The following ADARB2 variants were observed in gnomAD, a reference collection of about 807,000 sequenced individuals.
The protein encoded by ADARB2 is inactive double-stranded RNA-specific editase B2.
In ADARB2, 25 loss-of-function variants were observed where a neutral mutation model predicts 62.2. The ratio of observed to expected loss-of-function variants is 0.40; its 90% CI spans 0.29 to 0.56. ADARB2 has a LOEUF of 0.56. ADARB2 is among the 20% of genes least tolerant of loss of function. The pLI is 0.43. For missense variants in ADARB2, 1,071 were observed against 1,077.4 expected (o/e 0.99, Z 0.08); for synonymous variants, 572 against 500.8 (o/e 1.14, Z -1.90).
intron 1 of ADARB2, among the ~76,000 whole-genome samples, chr10:1,520,557 CAATTAATT>C (rs1192815274): frequency 6.6e-6 from 1 of 152,128 alleles, no homozygotes; most frequent in East Asian, 1.9e-4. Flanking sequence ...TCATTTAGGC[CAATTAATT>C]AATAGATGTA....
intron 1 of ADARB2, among the ~76,000 whole-genome samples, chr10:1,634,695 C>A (rs1219846448): frequency 6.6e-6 from 1 of 152,194 alleles, no homozygotes; most frequent in Non-Finnish European, 1.5e-5. Flanking sequence ...TCCATATAAT[C>A]TTTCCAGTTG....
At chr10:1,515,309 G>A (rs890788086) in intron 1 of ADARB2, among the ~76,000 whole-genome samples, 5 of 152,200 alleles carry the variant, frequency 3.3e-5, no homozygotes, top group African/African-American at 7.2e-5. Context: ...CCTGGTGCCC[G>A]TTGGCTGGTG....
intron 1 of ADARB2, among the ~76,000 whole-genome samples, chr10:1,631,065 G>T (rs1048854159): frequency 6.6e-6 from 1 of 152,162 alleles, no homozygotes. Flanking sequence ...GCCACCACCC[G>T]CGGTGAAGTG....
intron 2 of ADARB2, among the ~76,000 whole-genome samples, chr10:1,373,727 C>T (rs1211790135): frequency 1.3e-5 from 2 of 152,220 alleles, no homozygotes; most frequent in Non-Finnish European, 2.9e-5. Flanking sequence ...CACCACACTT[C>T]TTCTCCCTGG....
chr10:1,223,738 T>A (rs1374087066), intron 6 of ADARB2, among the ~76,000 whole-genome samples: 2 of 152,224 alleles, frequency 1.3e-5, no homozygotes, highest in African/African-American at 2.4e-5. Flanking sequence ...TTGATTTTCG[T>A]ATGTTGAACC....
At chr10:1,191,983 A>G (rs1268135736) in intron 8 of ADARB2, among the ~76,000 whole-genome samples, 1 of 152,186 alleles carries the variant, frequency 6.6e-6, no homozygotes, top group Non-Finnish European at 1.5e-5. Flanking sequence ...CATCACCATT[A>G]CTAGGACCGG....
chr10:1,478,866 A>G (rs1831434545), intron 1 of ADARB2, among the ~76,000 whole-genome samples: 1 of 152,172 alleles, frequency 6.6e-6, no homozygotes, highest in Admixed American at 6.5e-5. Context: ...GTGCCAAAAT[A>G]AGGACCCTCA....
chr10:1,698,630 G>A (rs1231354893), intron 1 of ADARB2, among the ~76,000 whole-genome samples: 1 of 152,116 alleles, frequency 6.6e-6, no homozygotes, highest in Non-Finnish European at 1.5e-5. Flanking sequence ...TTCTAATGTT[G>A]GAAAAAGGCA....
intron 7 of ADARB2, among the ~76,000 whole-genome samples, chr10:1,214,853 C>T (rs545749413): frequency 2.6e-5 from 4 of 152,376 alleles, no homozygotes; most frequent in South Asian, 2.1e-4. Flanking sequence ...GCAGAAACCA[C>T]GGCTTTGGTC....
intron 3 of ADARB2, among the ~76,000 whole-genome samples, chr10:1,282,722 G>A (rs1262575995): frequency 6.6e-6 from 1 of 152,208 alleles, no homozygotes; most frequent in Non-Finnish European, 1.5e-5. Context: ...AAATAAGCTT[G>A]TGCCTGATTA....
intron 1 of ADARB2, among the ~76,000 whole-genome samples, chr10:1,655,069 G>A (rs1252644968): frequency 6.6e-6 from 1 of 152,218 alleles, no homozygotes; most frequent in African/African-American, 2.4e-5. Context: ...AGATGCAGGG[G>A]ACACAGGGCG....
chr10:1,326,716 T>G (rs1831850142), intron 3 of ADARB2, among the ~76,000 whole-genome samples: 1 of 140,026 alleles, frequency 7.1e-6, no homozygotes, highest in African/African-American at 2.6e-5. Flanking sequence ...CAGCGTCTCC[T>G]CACAGCGCCT....
intron 6 of ADARB2, among the ~76,000 whole-genome samples, chr10:1,226,914 A>G (rs1830752586): frequency 6.6e-6 from 1 of 151,938 alleles, no homozygotes; most frequent in African/African-American, 2.4e-5. Flanking sequence ...GAGAACCACT[A>G]CTCTCTTCAA....
chr10:1,560,469 G>T (rs1832770857), intron 1 of ADARB2, among the ~76,000 whole-genome samples: 1 of 80,148 alleles, frequency 1.2e-5, no homozygotes, highest in East Asian at 7.2e-4. Context: ...AACACACGGG[G>T]GGCACCCTGG....
intron 3 of ADARB2, among the ~76,000 whole-genome samples, chr10:1,324,676 TATC>T (rs748212794): frequency 9.9e-5 from 15 of 152,242 alleles, no homozygotes; most frequent in Non-Finnish European, 1.6e-4. Flanking sequence ...ATTTATGAAA[TATC>T]AACATTATAG....
At chr10:1,454,830 T>C (rs1293946343) in intron 1 of ADARB2, among the ~76,000 whole-genome samples, 2 of 152,226 alleles carry the variant, frequency 1.3e-5, no homozygotes, top group South Asian at 2.1e-4. Context: ...TTTTGTGTTA[T>C]GTATATTTTA....
chr10:1,611,541 G>T (rs1230734177), intron 1 of ADARB2, among the ~76,000 whole-genome samples: 1 of 152,136 alleles, frequency 6.6e-6, no homozygotes, highest in Non-Finnish European at 1.5e-5. Flanking sequence ...CGTGGGATGA[G>T]AACTCGGCTC....
chr10:1,233,347 G>A (rs936498076), intron 6 of ADARB2, among the ~76,000 whole-genome samples: 61 of 152,324 alleles, frequency 4.0e-4, no homozygotes, highest in African/African-American at 1.4e-3. Context: ...GGCAAGCAGA[G>A]CCAGTGAGAA....
intron 1 of ADARB2, among the ~76,000 whole-genome samples, chr10:1,469,591 T>A (rs1533486): frequency 6.6e-6 from 1 of 151,962 alleles, no homozygotes; most frequent in Non-Finnish European, 1.5e-5. Flanking sequence ...AGAAATCAGT[T>A]TATTGAATTG....
Sources: allele counts gnomAD v4.1 joint callset (sites outside exome capture counted in the v4.1 genomes callset), GRCh38; gene constraint gnomAD v4.1.1; transcripts MANE v1.5; gene names NCBI Gene and HGNC (gene_info 2026-07-23, HGNC 2026-07-21).